The following PCDHGB5 variants were observed in gnomAD, a reference collection of about 807,000 sequenced individuals.
PCDHGB5 encodes protocadherin gamma subfamily B, 5.
PCDHGB5 carries 48 observed loss-of-function variants against 62.9 expected under a neutral mutation model. That is an observed-to-expected ratio of 0.76 (90% CI 0.61 to 0.97). The LOEUF (loss-of-function observed/expected upper bound fraction) is 0.97. Ranked by LOEUF, PCDHGB5 falls within the 50% of genes least tolerant of loss-of-function variation. The pLI is 0.00. For synonymous variants in PCDHGB5, 474 were observed against 511.2 expected, an observed-to-expected ratio of 0.93 and a Z score of 0.98; for missense variants, 1,118 against 1,198.6, an observed-to-expected ratio of 0.93 and a Z score of 0.99.
rs115262984 is a variant in PCDHGB5 at position 141,463,089 on chromosome 5, C to T, written c.2398-31718C>T. ...AATGAAATTCAAACATTTTCCAGCC[C>T]TATGTGACCATCAAGAATTCAGCTA... On this transcript the variant is annotated intron_variant, in intron 1 of 3. Coordinates refer to ENST00000617380, the MANE Select transcript of PCDHGB5 (RefSeq NM_018925.3). Among the ~76,000 whole-genome samples the T allele has an allele frequency of 2.5e-3, 374 of 152,264 alleles. 2 individuals are homozygous for T. Among genetic ancestry groups the T allele is most frequent in the African/African-American group, 8.7e-3 (360 of 41,552 alleles).
At chr5:141,488,797 T>G (rs1451050520) in intron 1 of PCDHGB5, among the ~76,000 whole-genome samples, 6 of 152,158 alleles carry the variant, frequency 3.9e-5, no homozygotes, top group Non-Finnish European at 8.8e-5. Context: ...TCTTCCCTGT[T>G]GAGTACCATC....
chr5:141,485,408 T>G lies in PCDHGB5; in HGVS notation c.2398-9399T>G. On this transcript the variant is annotated intron_variant, in intron 1 of 3. Transcript: ENST00000617380. The surrounding 1 kb of genome is among the most constrained non-coding windows in gnomAD (Gnocchi z 5.7). ...GAACCAAAGACACTTCCGTGTGGAT[T>G]TGGACAGCGGAGCCCTGCTCATCAA... 1 of 1,614,112 alleles carries G rather than the reference T, an allele frequency of 6.2e-7. No individual in the cohort carries two copies. The highest frequency in any genetic ancestry group is 8.5e-7 in the Non-Finnish European group (1 of 1,180,034).
At chr5:141,409,461 T>C in intron 1 of PCDHGB5, 1 of 1,613,928 alleles carries the variant, frequency 6.2e-7, no homozygotes, top group Non-Finnish European at 8.5e-7. Flanking sequence ...GAATACAATG[T>C]CACCATCGTA....
intron 1 of PCDHGB5, chr5:141,402,801 G>T (rs1218765657): frequency 1.2e-5 from 13 of 1,078,506 alleles, no homozygotes; most frequent in Non-Finnish European, 1.7e-5. Context: ...CACAAAACCC[G>T]GCAGATACCA....
intron 2 of PCDHGB5, among the ~76,000 whole-genome samples, chr5:141,504,059 T>C (rs1179226175): frequency 6.6e-6 from 1 of 152,184 alleles, no homozygotes; most frequent in Admixed American, 6.6e-5. Flanking sequence ...ATTGAAAAAC[T>C]TCTCTGAGCC....
intron 2 of PCDHGB5, among the ~76,000 whole-genome samples, chr5:141,497,880 T>C (rs2099780200): frequency 6.6e-6 from 1 of 152,170 alleles, no homozygotes; most frequent in Non-Finnish European, 1.5e-5. Context: ...GAAATAAGCG[T>C]TAGGATCTAG....
chr5:141,419,936 G>T, intron 1 of PCDHGB5: 2 of 1,614,074 alleles, frequency 1.2e-6, no homozygotes, highest in Non-Finnish European at 1.7e-6. Context: ...GTTTTACCTG[G>T]TGGTGGCCTT....
chr5:141,489,458 G>A lies in PCDHGB5; in HGVS notation c.2398-5349G>A, dbSNP rs143138320. 3.5e-5 allele frequency: 56 copies of A among 1,614,042 alleles called. No homozygotes were observed. The highest frequency in any genetic ancestry group is 8.0e-5 in the African/African-American group (6 of 75,052). ...CAATTGGGCTCTGAGGAGAATGGGC[G>A]CTATTTTTCCCTGAGCTTGATGAGT... is the stretch of plus-strand genomic sequence containing the variant. On this transcript the variant is annotated intron_variant, in intron 1 of 3. Transcript: ENST00000617380. This position sits in a 1 kb window ranked among gnomAD's most constrained non-coding sequence, Gnocchi z 4.5.
At chr5:141,480,285 T>C (rs1369369395) in intron 1 of PCDHGB5, among the ~76,000 whole-genome samples, 1 of 151,924 alleles carries the variant, frequency 6.6e-6, no homozygotes, top group East Asian at 1.9e-4. Flanking sequence ...TGTGTTGGCA[T>C]GCACCTGTGG....
At chr5:141,505,308 G>A in intron 2 of PCDHGB5, 85 bp from the exon 3 acceptor site, 1 of 1,598,660 alleles carries the variant, frequency 6.3e-7, no homozygotes, top group Non-Finnish European at 8.5e-7. Flanking sequence ...TAGGGTACTA[G>A]GTTTGGGAGC....
At chr5:141,417,890 G>GCCGGC (rs2096180101) in intron 1 of PCDHGB5, 1 of 1,568,496 alleles carries the variant, frequency 6.4e-7, no homozygotes, top group Non-Finnish European at 8.6e-7. Context: ...GAGGCGCCGG[G>GCCGGC]CCGGCCCGCG....
At chr5:141,429,445 G>C (rs2097215795) in intron 1 of PCDHGB5, among the ~76,000 whole-genome samples, 1 of 151,758 alleles carries the variant, frequency 6.6e-6, no homozygotes, top group Admixed American at 6.6e-5. Context: ...AAACTCTTGG[G>C]CTACAGTAAT....
intron 1 of PCDHGB5, among the ~76,000 whole-genome samples, chr5:141,430,357 T>C (rs1258305414): frequency 1.3e-5 from 2 of 149,904 alleles, no homozygotes; most frequent in Non-Finnish European, 3.0e-5. Context: ...ATTTAAAAGC[T>C]CATTGGGGAA....
intron 1 of PCDHGB5, among the ~76,000 whole-genome samples, chr5:141,447,535 G>T (rs1366016262): frequency 3.3e-5 from 5 of 152,162 alleles, no homozygotes; most frequent in Admixed American, 6.5e-5. Flanking sequence ...AAATTGTTGG[G>T]TTTTAATGTT....
chr5:141,432,935 C>T lies in PCDHGB5; in HGVS notation c.2397+32411C>T. The T allele has an allele frequency of 4.3e-6, 7 of 1,614,218 alleles. No homozygotes were observed. The highest frequency in any genetic ancestry group is 5.1e-6 in the Non-Finnish European group (6 of 1,180,046). On this transcript the variant is annotated intron_variant, in intron 1 of 3. Transcript: ENST00000617380. This position sits in a 1 kb window ranked among gnomAD's most constrained non-coding sequence, Gnocchi z 6.0. The stretch of plus-strand genomic sequence containing the variant: ...GCGCTGGCACAAGTCACGCCTGCTG[C>T]AGGCTTCAGGAGGCGGCTTGACAGG...
intron 1 of PCDHGB5, among the ~76,000 whole-genome samples, chr5:141,457,319 G>A (rs914658873): frequency 7.9e-5 from 12 of 152,086 alleles, no homozygotes; most frequent in East Asian, 3.8e-4. Flanking sequence ...AGAAACCTCC[G>A]GGTTACAGGT....
rs776543767 is a variant in PCDHGB5 at position 141,432,028 on chromosome 5, C to G, written c.2397+31504C>G. The G allele has an allele frequency of 6.2e-7, 1 of 1,614,168 alleles. No homozygotes were observed. The highest frequency in any genetic ancestry group is 2.2e-5 in the East Asian group (1 of 44,882). On this transcript the variant is annotated intron_variant, in intron 1 of 3. Transcript: ENST00000617380. This position sits in a 1 kb window ranked among gnomAD's most constrained non-coding sequence, Gnocchi z 6.0. ...TTCCTAGCTACAACATCACAGTGAC[C>G]GCCACTGACCGGGGAACCCCGCCCC...
intron 1 of PCDHGB5, among the ~76,000 whole-genome samples, chr5:141,462,399 T>C (rs2099038838): frequency 6.6e-6 from 1 of 152,236 alleles, no homozygotes; most frequent in South Asian, 2.1e-4. Flanking sequence ...ATTTCTTTTA[T>C]GGCACAGAAT....
At chr5:141,460,787 C>T (rs1177595415) in intron 1 of PCDHGB5, among the ~76,000 whole-genome samples, 1 of 151,504 alleles carries the variant, frequency 6.6e-6, no homozygotes, top group Non-Finnish European at 1.5e-5. Context: ...TACATATATA[C>T]ACACAAAGTA....
Sources: allele counts gnomAD v4.1 joint callset (sites outside exome capture counted in the v4.1 genomes callset), GRCh38; gene constraint gnomAD v4.1.1; non-coding constraint Gnocchi (gnomAD v3.1); transcripts MANE v1.5; gene names NCBI Gene and HGNC (gene_info 2026-07-23, HGNC 2026-07-21).